Variants in HLA-DRB1 observed in about 807,000 individuals in gnomAD.
The protein encoded by HLA-DRB1 is major histocompatibility complex, class II, DR beta 1 precursor.
HLA-DRB1 carries 10 observed loss-of-function variants against 27.9 expected under a neutral mutation model. The ratio of observed to expected loss-of-function variants is 0.36; its 90% CI spans 0.22 to 0.61. HLA-DRB1 has a LOEUF of 0.61. Ranked by LOEUF, HLA-DRB1 falls within the 20% of genes least tolerant of loss-of-function variation. The pLI is 0.73. For missense variants in HLA-DRB1, 118 were observed against 306.3 expected, an observed-to-expected ratio of 0.39 and a Z score of 4.59; for synonymous variants, 57 against 126.7, an observed-to-expected ratio of 0.45 and a Z score of 3.69.
At chr6:32,588,245 C>T (rs1776801081) in intron 1 of HLA-DRB1, among the ~76,000 whole-genome samples, 1 of 142,994 alleles carries the variant, frequency 7.0e-6, no homozygotes, top group African/African-American at 2.6e-5. Context: ...TGCTTGAGTC[C>T]AGCAGTTCAA....
At chr6:32,580,905 TTTAC>T (rs1775353338) in intron 3 of HLA-DRB1, 49 bp from the exon 4 acceptor site, 1 of 1,361,698 alleles carries the variant, frequency 7.3e-7, no homozygotes, top group African/African-American at 1.5e-5. Flanking sequence ...ATTGAACCTT[TTTAC>T]TTGAGACTCT....
At chr6:32,586,727 A>G (rs72850293) in intron 1 of HLA-DRB1, among the ~76,000 whole-genome samples, 13,717 of 79,248 alleles carry the variant, frequency 0.17, 3,459 homozygotes, top group Non-Finnish European at 0.19. Context: ...ATAAATGTCA[A>G]TCAATCATCT....
rs1775454053 is a variant in HLA-DRB1, at chr6:32,581,358, C to A, written c.652+199G>T. Among the ~76,000 whole-genome samples, 825 of 84,532 alleles carry A rather than the reference C, an allele frequency of 9.8e-3. 31 individuals are homozygous for A. Among genetic ancestry groups the A allele is most frequent in the Middle Eastern group, 0.016 (2 of 124 alleles). 55.5% of individuals were successfully genotyped at this position (84,532 alleles called of 152,430 possible). A position where few individuals can be genotyped will look rare whatever the true frequency, so the allele number is the denominator to read the frequency against. On this transcript the variant is annotated intron_variant, in intron 3 of 5. Transcript: ENST00000360004. ...AAGAGGGACAGTCTCTCCCGCCTGGCAGGCGAGACTGCTTCTCCAGGAGGT... is the reference window on the plus strand; with the variant it reads ...AAGAGGGACAGTCTCTCCCGCCTGGAAGGCGAGACTGCTTCTCCAGGAGGT...
At chr6:32,581,153 A>G (rs1775404652) in intron 3 of HLA-DRB1, among the ~76,000 whole-genome samples, 1 of 79,612 alleles carries the variant, frequency 1.3e-5, no homozygotes, top group Non-Finnish European at 2.7e-5. Context: ...AAGCTAATAA[A>G]AAGCAGGGCT....
At chr6:32,579,416 C>CAAGAATGAAGCCA (rs1320933846) in intron 5 of HLA-DRB1, among the ~76,000 whole-genome samples, 2 of 63,444 alleles carry the variant, frequency 3.2e-5, no homozygotes, top group South Asian at 5.2e-4. Context: ...TCGCTGACTT[C>CAAGAATGAAGCCA]CTGCAGACCT....
chr6:32,584,693 C>T (rs1210586424), intron 1 of HLA-DRB1, among the ~76,000 whole-genome samples: 2 of 65,624 alleles, frequency 3.0e-5, no homozygotes, highest in Non-Finnish European at 6.1e-5. Flanking sequence ...CGCGCCGCCT[C>T]CTCCTGGGAG....
chr6:32,585,334 A>G (rs35214237), intron 1 of HLA-DRB1, among the ~76,000 whole-genome samples: 1 of 69,520 alleles, frequency 1.4e-5, no homozygotes, highest in Non-Finnish European at 2.9e-5. Flanking sequence ...AAACTCTCAA[A>G]CTCTATAATC....
At chr6:32,588,909 C>T (rs28724215) in intron 1 of HLA-DRB1, among the ~76,000 whole-genome samples, 1 of 127,584 alleles carries the variant, frequency 7.8e-6, no homozygotes, top group Non-Finnish European at 1.7e-5. Flanking sequence ...TCATAATGAA[C>T]ACGAACCTGG....
At chr6:32,585,053 A>G (rs796276279) in intron 1 of HLA-DRB1, among the ~76,000 whole-genome samples, 13,314 of 54,798 alleles carry the variant, frequency 0.24, 1,973 homozygotes, top group Non-Finnish European at 0.26. Flanking sequence ...AGGAACCTGT[A>G]TTTTATTTGT....
intron 1 of HLA-DRB1, among the ~76,000 whole-genome samples, chr6:32,588,522 T>G (rs1776861571): frequency 1.5e-5 from 1 of 68,268 alleles, no homozygotes. Context: ...TTTAGAGATT[T>G]CTGGAAATGA....
At position 32,588,916 on chromosome 6, in the gene HLA-DRB1, C is replaced by G. The variant is rs185906986; in HGVS notation, c.100+727G>C. On this transcript the variant is annotated intron_variant, in intron 1 of 5. Transcript: ENST00000360004. ...AAAAAGATTCATAATGAACACGAACCTGGGCTAGTTTTTCAGAGGATGCCT... is the reference window on the plus strand; with the variant it reads ...AAAAAGATTCATAATGAACACGAACGTGGGCTAGTTTTTCAGAGGATGCCT... Among the ~76,000 whole-genome samples, 2 of 126,642 alleles carry G rather than the reference C, an allele frequency of 1.6e-5. 1 individual carries two copies. The highest frequency in any genetic ancestry group is 1.8e-4 in the Admixed American group (2 of 11,306). 83.1% of individuals were successfully genotyped at this position (126,642 alleles called of 152,430 possible).
At chr6:32,585,260 A>T (rs113823631) in intron 1 of HLA-DRB1, among the ~76,000 whole-genome samples, 21,912 of 70,690 alleles carry the variant, frequency 0.31, 6,412 homozygotes, top group Middle Eastern at 0.4. Flanking sequence ...CCTGGTACAT[A>T]TGAATATCAG....
chr6:32,587,884 T>C (rs9270169), intron 1 of HLA-DRB1, among the ~76,000 whole-genome samples: 330 of 137,164 alleles, frequency 2.4e-3, no homozygotes, highest in Middle Eastern at 8.1e-3. Flanking sequence ...ATAGAATGAT[T>C]TGAACCTAGA....
chr6:32,580,507 C>A (rs757844472), intron 4 of HLA-DRB1, among the ~76,000 whole-genome samples: 1 of 111,998 alleles, frequency 8.9e-6, no homozygotes, highest in African/African-American at 3.1e-5. Context: ...GCTCCAGGAT[C>A]TCAAACCAAA....
At chr6:32,589,421 A>G (rs9270268) in intron 1 of HLA-DRB1, among the ~76,000 whole-genome samples, 23,879 of 64,204 alleles carry the variant, frequency 0.37, 3,321 homozygotes, top group Middle Eastern at 0.58. Context: ...GGAGATTTGA[A>G]AAGAAATGAT....
intron 2 of HLA-DRB1, among the ~76,000 whole-genome samples, chr6:32,582,888 A>G (rs36218422): frequency 0.11 from 15,094 of 132,694 alleles, 1,737 homozygotes; most frequent in Non-Finnish European, 0.12. Flanking sequence ...AAGTAAGGAG[A>G]AACCTGGAGA....
At chr6:32,582,640 G>A (rs199535050) in intron 2 of HLA-DRB1, among the ~76,000 whole-genome samples, 15,142 of 97,858 alleles carry the variant, frequency 0.15, 2,952 homozygotes, top group Admixed American at 0.17. Flanking sequence ...GAAGCAGAGA[G>A]AAGGATTAGG....
intron 3 of HLA-DRB1, among the ~76,000 whole-genome samples, 169 bp downstream of exon 3, chr6:32,581,388 G>C: frequency 1.3e-5 from 1 of 76,936 alleles, no homozygotes. Context: ...GGAGGTACAG[G>C]TGTTTCTAGA....
intron 3 of HLA-DRB1, among the ~76,000 whole-genome samples, chr6:32,581,286 C>T (rs41288069): frequency 0.073 from 4,380 of 59,650 alleles, 626 homozygotes; most frequent in African/African-American, 0.11. Flanking sequence ...GGCCTGGAGC[C>T]TGGGAGAGTG....
Sources: gnomAD v4.1 joint callset for allele counts (sites outside exome capture counted in the v4.1 genomes callset) on GRCh38, gnomAD v4.1.1 for gene constraint, MANE v1.5 for transcripts, NCBI Gene and HGNC (gene_info 2026-07-23, HGNC 2026-07-21) for gene names.